CTNNA3: variants seen among roughly 807,000 people sequenced by gnomAD.
CTNNA3 encodes the protein catenin alpha 3.
In CTNNA3, 76 loss-of-function variants were observed where a neutral mutation model predicts 95.7. The ratio of observed to expected loss-of-function variants is 0.79; its 90% CI spans 0.66 to 0.96. The LOEUF (loss-of-function observed/expected upper bound fraction) is 0.96, where lower values mean the gene tolerates loss of function less well. Among genes scored for constraint, CTNNA3 ranks in the 40% least tolerant of loss-of-function variants. The probability of loss-of-function intolerance (pLI) is 0.00; values close to 1 mark genes in which losing one functional copy is unlikely to be tolerated. For missense variants in CTNNA3, 1,191 were observed against 1,089.8 expected, an observed-to-expected ratio of 1.09 and a Z score of -1.31; for synonymous variants, 431 against 374.4, an observed-to-expected ratio of 1.15 and a Z score of -1.74.
intron 7 of CTNNA3, among the ~76,000 whole-genome samples, chr10:67,145,439 T>G (rs1254640858): frequency 1.2e-4 from 18 of 146,966 alleles, no homozygotes; most frequent in Non-Finnish European, 2.3e-4. Context: ...TTTTTTAGTT[T>G]TTTTTTTTTT....
chr10:66,361,889 A>T (rs928645235), intron 12 of CTNNA3, among the ~76,000 whole-genome samples: 1 of 151,766 alleles, frequency 6.6e-6, no homozygotes, highest in Non-Finnish European at 1.5e-5. Context: ...AACCTTTATC[A>T]TCCACTTACC....
At chr10:67,540,984 T>C (rs1840667730) in intron 3 of CTNNA3, among the ~76,000 whole-genome samples, 1 of 151,928 alleles carries the variant, frequency 6.6e-6, no homozygotes, top group South Asian at 2.1e-4. Context: ...ATAAACCTAC[T>C]ATTTTATGAG....
rs140009029 is a variant in CTNNA3, at chr10:66,976,363, T to C, written c.1048-200839A>G. ...AAGGCAGAAAAAGTAGAGAAGAACATTTCAGACAAAGAAAAACATGTCAAA... is the reference window on the plus strand; with the variant it reads ...AAGGCAGAAAAAGTAGAGAAGAACACTTCAGACAAAGAAAAACATGTCAAA... On this transcript the variant is annotated intron_variant, in intron 7 of 17. Coordinates refer to ENST00000433211, the MANE Select transcript of CTNNA3 (RefSeq NM_013266.4). Among the ~76,000 whole-genome samples the C allele has an allele frequency of 3.1e-3, 473 of 152,184 alleles. 2 individuals are homozygous for C. The highest frequency in any genetic ancestry group is 0.011 in the African/African-American group (453 of 41,526).
chr10:65,967,333 C>A (rs1488843188), intron 16 of CTNNA3, among the ~76,000 whole-genome samples: 1 of 152,014 alleles, frequency 6.6e-6, no homozygotes, highest in Non-Finnish European at 1.5e-5. Context: ...AGGTTAGAAG[C>A]CTTCAGATTA....
At chr10:66,973,865 A>T (rs1273735484) in intron 7 of CTNNA3, among the ~76,000 whole-genome samples, 1 of 152,026 alleles carries the variant, frequency 6.6e-6, no homozygotes, top group African/African-American at 2.4e-5. Context: ...CTCAAGATTT[A>T]TCCCCCTCGG....
chr10:66,092,220 C>A (rs1449805838), intron 14 of CTNNA3, among the ~76,000 whole-genome samples: 10 of 151,928 alleles, frequency 6.6e-5, no homozygotes, highest in Non-Finnish European at 1.3e-4. Context: ...AAATCCTGGT[C>A]TCTGTCTCCA....
At chr10:66,513,016 T>G (rs1034474260) in intron 11 of CTNNA3, among the ~76,000 whole-genome samples, 3 of 152,012 alleles carry the variant, frequency 2.0e-5, no homozygotes, top group Non-Finnish European at 4.4e-5. Context: ...TTTGGGAACA[T>G]TTGAGCTCCC....
chr10:66,232,389 T>G (rs1249621329), intron 13 of CTNNA3, among the ~76,000 whole-genome samples: 1 of 152,072 alleles, frequency 6.6e-6, no homozygotes, highest in East Asian at 1.9e-4. Context: ...CTGTGCAAAT[T>G]TTAAAAATAA....
At chr10:66,511,434 T>G (rs1379169073) in intron 11 of CTNNA3, among the ~76,000 whole-genome samples, 1 of 151,190 alleles carries the variant, frequency 6.6e-6, no homozygotes, top group Non-Finnish European at 1.5e-5. Context: ...GTTCTTGCTT[T>G]TCTATTTTTT....
rs181721438 is a variant in CTNNA3 at position 66,450,934 on chromosome 10, G to C, written c.1531+69683C>G. ...TACAAACATTTTTCCGGTTTTAGCA[G>C]TTGCCAAAATTGTGATCATGGGCCA... On this transcript the variant is annotated intron_variant, in intron 11 of 17. Coordinates refer to ENST00000433211, the MANE Select transcript of CTNNA3 (RefSeq NM_013266.4). 8.0e-4 allele frequency among the ~76,000 whole-genome samples: 122 copies of C among 152,232 alleles called. 2 individuals are homozygous for C. The highest frequency in any genetic ancestry group is 2.7e-3 in the African/African-American group (114 of 41,550).
chr10:67,178,806 T>C (rs1862365012), intron 7 of CTNNA3, among the ~76,000 whole-genome samples: 1 of 151,986 alleles, frequency 6.6e-6, no homozygotes, highest in Admixed American at 6.6e-5. Flanking sequence ...AATATTATCT[T>C]CTAAGTTTTT....
intron 6 of CTNNA3, among the ~76,000 whole-genome samples, chr10:67,195,461 A>T (rs1315595480): frequency 7.2e-6 from 1 of 139,646 alleles, no homozygotes; most frequent in East Asian, 2.3e-4. Flanking sequence ...TACACCTACC[A>T]TACAGGACTT....
intron 1 of CTNNA3, among the ~76,000 whole-genome samples, chr10:67,758,224 C>A (rs528905732): frequency 1.1e-4 from 16 of 151,822 alleles, no homozygotes; most frequent in African/African-American, 3.4e-4. Flanking sequence ...GATCTTGAGA[C>A]TTCTCAGCCT....
intron 5 of CTNNA3, among the ~76,000 whole-genome samples, chr10:67,405,132 T>C (rs2132819118): frequency 6.6e-6 from 1 of 152,282 alleles, no homozygotes; most frequent in East Asian, 1.9e-4. Flanking sequence ...CCAGTGACAT[T>C]ATAAAGCAAC....
intron 9 of CTNNA3, among the ~76,000 whole-genome samples, chr10:66,693,334 G>C (rs375361764): frequency 1.6e-5 from 2 of 127,074 alleles, no homozygotes; most frequent in African/African-American, 3.3e-5. Context: ...AAACAGACTT[G>C]AAACCAACAA....
chr10:66,890,075 G>A (rs1252682601), intron 7 of CTNNA3, among the ~76,000 whole-genome samples: 2 of 152,154 alleles, frequency 1.3e-5, no homozygotes, highest in Admixed American at 1.3e-4. Flanking sequence ...ACAGGCATGA[G>A]CCACCGCACC....
intron 7 of CTNNA3, among the ~76,000 whole-genome samples, chr10:67,073,340 G>A (rs1397864482): frequency 6.6e-6 from 1 of 151,966 alleles, no homozygotes; most frequent in African/African-American, 2.4e-5. Context: ...TTGAAACCTG[G>A]AACAGTATTT....
chr10:65,974,667 T>C (rs2078176685), intron 16 of CTNNA3, among the ~76,000 whole-genome samples: 1 of 152,086 alleles, frequency 6.6e-6, no homozygotes, highest in Non-Finnish European at 1.5e-5. Context: ...GGTGATTGCA[T>C]CAATTGTACT....
chr10:66,145,749 A>C (rs188231065), intron 13 of CTNNA3, among the ~76,000 whole-genome samples: 1 of 152,026 alleles, frequency 6.6e-6, no homozygotes, highest in Non-Finnish European at 1.5e-5. Context: ...AGTGTTTTTT[A>C]TTTTTTTTCA....
Sources: gnomAD v4.1 joint callset for allele counts (sites outside exome capture counted in the v4.1 genomes callset) on GRCh38, gnomAD v4.1.1 for gene constraint, MANE v1.5 for transcripts, NCBI Gene and HGNC (gene_info 2026-07-23, HGNC 2026-07-21) for gene names.